NR6A1: variants seen among roughly 807,000 people sequenced by gnomAD.
NR6A1 encodes the protein nuclear receptor subfamily 6 group A member 1, also known as retinoic acid receptor-related testis-associated receptor.
NR6A1 carries 7 observed loss-of-function variants against 59.1 expected under a neutral mutation model. The observed-to-expected ratio is 0.12, with a 90% CI of 0.07 to 0.22. The LOEUF is 0.22. NR6A1 is among the 10% of genes least tolerant of loss of function. The pLI is 1.00. For synonymous variants in NR6A1, 243 were observed against 236.1 expected (o/e 1.03, Z -0.27); for missense variants, 468 against 611.6 (o/e 0.77, Z 2.48).
chr9:124,710,781 C>T (rs1476329027), intron 2 of NR6A1, among the ~76,000 whole-genome samples: 2 of 152,168 alleles, frequency 1.3e-5, no homozygotes, highest in Non-Finnish European at 2.9e-5. Context: ...AAGATCCTTC[C>T]GCAATTGCAC....
intron 2 of NR6A1, among the ~76,000 whole-genome samples, chr9:124,696,458 T>TAA (rs1398524789): frequency 6.6e-6 from 1 of 151,020 alleles, no homozygotes; most frequent in Non-Finnish European, 1.5e-5. Flanking sequence ...TCAAGATACT[T>TAA]AAAATGCATG....
chr9:124,674,325 T>A (rs1837888165), intron 2 of NR6A1, among the ~76,000 whole-genome samples: 1 of 152,220 alleles, frequency 6.6e-6, no homozygotes, highest in African/African-American at 2.4e-5. Context: ...TCATTCAGTA[T>A]CAAACTGAGT....
chr9:124,667,168 G>A (rs1333854642), intron 2 of NR6A1, among the ~76,000 whole-genome samples: 1 of 151,610 alleles, frequency 6.6e-6, no homozygotes, highest in Non-Finnish European at 1.5e-5. Flanking sequence ...CTGAGTAGCT[G>A]GGATTACAGG....
chr9:124,645,556 T>C (rs1836906514), intron 2 of NR6A1, among the ~76,000 whole-genome samples: 1 of 152,176 alleles, frequency 6.6e-6, no homozygotes, highest in African/African-American at 2.4e-5. Flanking sequence ...AAGAGGGGCA[T>C]TACTAATGAT....
chr9:124,600,685 G>A (rs1588700475), intron 2 of NR6A1, among the ~76,000 whole-genome samples: 2 of 152,150 alleles, frequency 1.3e-5, no homozygotes, highest in East Asian at 1.9e-4. Context: ...ACACTAAACA[G>A]ATAAATGACA....
intron 2 of NR6A1, among the ~76,000 whole-genome samples, chr9:124,555,615 T>TA (rs1285227496): frequency 1.3e-5 from 2 of 152,156 alleles, no homozygotes; most frequent in South Asian, 4.1e-4. Flanking sequence ...CCATATCTCT[T>TA]AAAAAACAAA....
At chr9:124,566,557 A>T (rs1362046080) in intron 2 of NR6A1, among the ~76,000 whole-genome samples, 1 of 152,208 alleles carries the variant, frequency 6.6e-6, no homozygotes, top group Admixed American at 6.5e-5. Flanking sequence ...TGGGAGATAC[A>T]TCTTGAAAAC....
intron 2 of NR6A1, among the ~76,000 whole-genome samples, chr9:124,596,339 C>G (rs138023084): frequency 2.0e-5 from 3 of 152,078 alleles, no homozygotes; most frequent in African/African-American, 7.2e-5. Context: ...AAGTGGGATT[C>G]CCTGTTTTCT....
intron 2 of NR6A1, among the ~76,000 whole-genome samples, chr9:124,560,820 C>CA (rs1448825363): frequency 1.3e-5 from 2 of 152,184 alleles, no homozygotes; most frequent in Non-Finnish European, 1.5e-5. Context: ...CTCAGCCTCC[C>CA]ACAGTGCTGG....
chr9:124,633,082 A>G (rs1836492880), intron 2 of NR6A1, among the ~76,000 whole-genome samples: 1 of 152,150 alleles, frequency 6.6e-6, no homozygotes, highest in Admixed American at 6.5e-5. Context: ...CACCGAATCA[A>G]GGATGCAGTG....
chr9:124,642,350 A>C (rs994009971), intron 2 of NR6A1, among the ~76,000 whole-genome samples: 1 of 152,174 alleles, frequency 6.6e-6, no homozygotes, highest in Non-Finnish European at 1.5e-5. Context: ...GCGCCCAGAA[A>C]CTTTGTCTTT....
intron 2 of NR6A1, among the ~76,000 whole-genome samples, chr9:124,732,231 A>C (rs1396875150): frequency 6.6e-6 from 1 of 152,254 alleles, no homozygotes; most frequent in Non-Finnish European, 1.5e-5. Context: ...TCTCAACAGC[A>C]GACTGGTGGC....
intron 2 of NR6A1, chr9:124,698,705 T>C (rs1838843219): frequency 6.6e-6 from 1 of 152,222 alleles, no homozygotes; most frequent in Non-Finnish European, 1.5e-5. Flanking sequence ...ACTTAGGAAG[T>C]AATCTTCTCC....
intron 2 of NR6A1, chr9:124,693,769 G>A: frequency 1.9e-6 from 1 of 534,636 alleles, no homozygotes; most frequent in Non-Finnish European, 3.8e-6. Flanking sequence ...TCAACTCACT[G>A]ATCAATGAAT....
intron 2 of NR6A1, among the ~76,000 whole-genome samples, chr9:124,628,251 C>T (rs1252415701): frequency 6.6e-6 from 1 of 152,204 alleles, no homozygotes; most frequent in Non-Finnish European, 1.5e-5. Flanking sequence ...TGGTCTTGAA[C>T]TCCTGACCTC....
chr9:124,653,416 TTTG>T lies in NR6A1; in HGVS notation c.142+79889_142+79891del, dbSNP rs1303032175. 2.6e-5 allele frequency among the ~76,000 whole-genome samples: 4 copies of T among 152,180 alleles called. No individual in the cohort carries two copies. In the East Asian group the frequency reaches 5.8e-4, roughly 22 times the overall value. ...TTTTCTGTATTTGTCAGAGGTTTGTTTTGTTGTTGTTTTTTAAGAGACAGAGTC... is the reference window on the plus strand; with the variant it reads ...TTTTCTGTATTTGTCAGAGGTTTGTTTTGTTGTTTTTTAAGAGACAGAGTC... On this transcript the variant is annotated intron_variant, in intron 2 of 9. Coordinates refer to ENST00000487099, the MANE Select transcript of NR6A1 (RefSeq NM_033334.4).
At chr9:124,723,380 G>A (rs974068168) in intron 2 of NR6A1, among the ~76,000 whole-genome samples, 2 of 152,162 alleles carry the variant, frequency 1.3e-5, no homozygotes, top group Non-Finnish European at 2.9e-5. Context: ...TATTGGCTGG[G>A]GAAGAGGACC....
At chr9:124,654,875 T>TTCAC (rs376956125) in intron 2 of NR6A1, among the ~76,000 whole-genome samples, 1 of 123,876 alleles carries the variant, frequency 8.1e-6, no homozygotes, top group African/African-American at 3.1e-5. Flanking sequence ...TTTTTTTTTG[T>TTCAC]ACACACACAC....
At chr9:124,709,935 G>A (rs1415153987) in intron 2 of NR6A1, among the ~76,000 whole-genome samples, 18 of 146,038 alleles carry the variant, frequency 1.2e-4, no homozygotes, top group African/African-American at 4.6e-4. Flanking sequence ...AACAAAGTGA[G>A]ATTCCATCTC....
Sources: allele counts gnomAD v4.1 joint callset (sites outside exome capture counted in the v4.1 genomes callset), GRCh38; gene constraint gnomAD v4.1.1; transcripts MANE v1.5; gene names NCBI Gene and HGNC (gene_info 2026-07-23, HGNC 2026-07-21).